The following BCL11B variants were observed in gnomAD, a reference collection of about 807,000 sequenced individuals.
BCL11B encodes the protein B-cell lymphoma/leukemia 11B.
In BCL11B, 8 loss-of-function variants were observed where a neutral mutation model predicts 49.9. The observed-to-expected ratio is 0.16, with a 90% CI of 0.09 to 0.29. The LOEUF (loss-of-function observed/expected upper bound fraction) is 0.29. Among genes scored for constraint, BCL11B ranks in the 10% least tolerant of loss-of-function variants. BCL11B has a pLI of 1.00. For missense variants in BCL11B, 1,006 were observed against 1,351.0 expected (o/e 0.74, Z 4.00); for synonymous variants, 739 against 637.4 (o/e 1.16, Z -2.40).
rs760748157 is a variant in BCL11B at position 99,238,239 on chromosome 14, C to T, written c.428-6682G>A. On this transcript the variant is annotated intron_variant, in intron 2 of 3. Transcript: ENST00000357195. Reference sequence around the variant, plus strand: ...TGGAGAGGCAGAGCCAAGGAATGATCGCGTCCCCCACCGACACTACCAAAA... The same window carrying T: ...TGGAGAGGCAGAGCCAAGGAATGATTGCGTCCCCCACCGACACTACCAAAA... 3.9e-5 allele frequency among the ~76,000 whole-genome samples: 6 copies of T among 152,194 alleles called. No homozygotes were observed. The South Asian group carries it at 1.2e-3, about 32-fold the overall frequency.
At chr14:99,199,685 C>CGTGTGTGT (rs1555378688) in intron 3 of BCL11B, among the ~76,000 whole-genome samples, 1 of 58,850 alleles carries the variant, frequency 1.7e-5, no homozygotes, top group Non-Finnish European at 6.3e-5. Flanking sequence ...TGTGTGTGTG[C>CGTGTGTGT]GCGCGCGCGC....
intron 2 of BCL11B, among the ~76,000 whole-genome samples, chr14:99,233,829 T>C (rs1888407534): frequency 6.6e-6 from 1 of 152,114 alleles, no homozygotes; most frequent in Non-Finnish European, 1.5e-5. Context: ...TCATTAGCAA[T>C]TGTGACCTTG....
intron 3 of BCL11B, among the ~76,000 whole-genome samples, chr14:99,186,253 G>A (rs940002814): frequency 2.0e-5 from 3 of 152,236 alleles, no homozygotes; most frequent in African/African-American, 7.2e-5. Context: ...ATGCACAGTG[G>A]CTCACGCCTG....
chr14:99,258,577 T>C (rs1889243937), intron 1 of BCL11B, among the ~76,000 whole-genome samples: 1 of 151,858 alleles, frequency 6.6e-6, no homozygotes, highest in Non-Finnish European at 1.5e-5. Flanking sequence ...AACAAGTGAG[T>C]GTCAGGTTCC....
chr14:99,236,054 C>G (rs1888488743), intron 2 of BCL11B, among the ~76,000 whole-genome samples: 1 of 152,052 alleles, frequency 6.6e-6, no homozygotes, highest in South Asian at 2.1e-4. Context: ...TGAGACTGTG[C>G]TCCTGCCTTT....
rs939364613 is a variant in BCL11B, at chr14:99,173,812, AAAAC to A, written c.*335_*338del. ...CTCAGGCTACTACCGGGTTAAAAAA[AAAAC>A]AAAGAAGGGATGGATACCCAACAAA... On this transcript the variant is annotated 3_prime_UTR_variant, in exon 4 of 4. Transcript: ENST00000357195. The A allele has an allele frequency of 2.7e-5, 9 of 336,998 alleles. No homozygotes were observed. The highest frequency in any genetic ancestry group is 4.4e-5 in the Non-Finnish European group (8 of 182,742). 20.9% of individuals were successfully genotyped at this position (336,998 alleles called of 1,614,324 possible). A position where few individuals can be genotyped will look rare whatever the true frequency, so the allele number is the denominator to read the frequency against.
intron 2 of BCL11B, among the ~76,000 whole-genome samples, chr14:99,253,641 C>G (rs757435968): frequency 5.3e-5 from 8 of 152,140 alleles, no homozygotes; most frequent in African/African-American, 1.9e-4. Flanking sequence ...CACACAGCAA[C>G]AGACAGCCTT....
rs1886338079 is a variant in BCL11B at position 99,172,940 on chromosome 14, A to G, written c.*1211T>C. 4.6e-6 allele frequency: 1 copy of G among 219,582 alleles called. No homozygotes were observed. Among genetic ancestry groups the G allele is most frequent in the Non-Finnish European group, 9.2e-6 (1 of 108,762 alleles). 13.6% of individuals were successfully genotyped at this position (219,582 alleles called of 1,614,324 possible). A position where few individuals can be genotyped will look rare whatever the true frequency, so the allele number is the denominator to read the frequency against. On this transcript the variant is annotated 3_prime_UTR_variant, in exon 4 of 4. Coordinates refer to ENST00000357195, the MANE Select transcript of BCL11B (RefSeq NM_138576.4). ...GTAAAAGAGAATAGAAATTTGCAAG[A>G]TCCCCACCCCACCCATCCCTACAAT... is the stretch of plus-strand genomic sequence containing the variant.
At chr14:99,208,866 C>A (rs975843381) in intron 3 of BCL11B, among the ~76,000 whole-genome samples, 1 of 152,232 alleles carries the variant, frequency 6.6e-6, no homozygotes, top group South Asian at 2.1e-4. Context: ...TCATGAAGCT[C>A]GTCCCTGCCC....
rs949572139 is a variant in BCL11B at position 99,257,931 on chromosome 14, G to T, written c.59-92C>A. The T allele has an allele frequency of 2.9e-6, 4 of 1,377,602 alleles. No homozygotes were observed. The highest frequency in any genetic ancestry group is 2.5e-5 in the East Asian group (1 of 40,480). 85.3% of individuals were successfully genotyped at this position (1,377,602 alleles called of 1,614,324 possible). The stretch of plus-strand genomic sequence containing the variant: ...CCAACTTCCGGTCCACCCCTTCCCC[G>T]CCAAGAAGCAGCCCCCTCTGCTGCT... On this transcript the variant is annotated intron_variant, in intron 1 of 3. Coordinates refer to ENST00000357195, the MANE Select transcript of BCL11B (RefSeq NM_138576.4). The surrounding 1 kb of genome is among the most constrained non-coding windows in gnomAD (Gnocchi z 6.2).
Position 99,192,891 on chromosome 14 carries a change from GAAT to G in BCL11B, c.641-16699_641-16697del, listed in dbSNP as rs1292342416. On this transcript the variant is annotated intron_variant, in intron 3 of 3. Coordinates refer to ENST00000357195, the MANE Select transcript of BCL11B (RefSeq NM_138576.4). The surrounding 1 kb of genome is among the most constrained non-coding windows in gnomAD (Gnocchi z 4.0). ...TGAGTGAATGAATGAATGAATGAAT[GAAT>G]GAGTGAATGAATGGATAAAAGAGTG... Among the ~76,000 whole-genome samples, 3 of 152,068 alleles carry G rather than the reference GAAT, an allele frequency of 2.0e-5. No homozygotes were observed. Among genetic ancestry groups the G allele is most frequent in the Non-Finnish European group, 4.4e-5 (3 of 68,026 alleles).
At chr14:99,265,768 A>G (rs976250032) in intron 1 of BCL11B, among the ~76,000 whole-genome samples, 17 of 152,164 alleles carry the variant, frequency 1.1e-4, no homozygotes, top group African/African-American at 3.9e-4. Context: ...CTGGAGAGTG[A>G]AGGCTCTTTC....
At chr14:99,254,283 T>A (rs996198417) in intron 2 of BCL11B, among the ~76,000 whole-genome samples, 3 of 152,154 alleles carry the variant, frequency 2.0e-5, no homozygotes, top group Non-Finnish European at 4.4e-5. Flanking sequence ...AAAATAACAG[T>A]AATTACTCTC....
At position 99,171,025 on chromosome 14, in the gene BCL11B, C is replaced by T. The variant is rs1886272947; in HGVS notation, c.*3126G>A. On this transcript the variant is annotated 3_prime_UTR_variant, in exon 4 of 4. Transcript: ENST00000357195. ...CTCGCTCTCTCTCCTCTACATCTGA[C>T]ATCTTAGAGATGGCCTCTTAGAGAA... 4.3e-6 allele frequency: 1 copy of T among 231,848 alleles called. No individual in the cohort carries two copies. Among genetic ancestry groups the T allele is most frequent in the South Asian group, 1.8e-4 (1 of 5,520 alleles). The allele number at this position is 231,848 out of a possible 1,614,324, so 14.4% of individuals were successfully genotyped here. A position where few individuals can be genotyped will look rare whatever the true frequency, so the allele number is the denominator to read the frequency against.
At chr14:99,258,521 A>G (rs1889241786) in intron 1 of BCL11B, among the ~76,000 whole-genome samples, 1 of 152,222 alleles carries the variant, frequency 6.6e-6, no homozygotes, top group Non-Finnish European at 1.5e-5. Context: ...ATGGGCGTCT[A>G]AGGGCCCGTC....
rs766576104 is a variant in BCL11B at position 99,257,506 on chromosome 14, G to A, written c.392C>T (p.Thr131Met). ...CTCCTGCTTGGGACAGATGCCTTTCGTGGGTGAGAGCAGGTGGTCATCTTC... is the reference window on the plus strand; with the variant it reads ...CTCCTGCTTGGGACAGATGCCTTTCATGGGTGAGAGCAGGTGGTCATCTTC... ...PDEDDHLLSPTKGICPKQENI... is the reference protein window; with the variant it reads ...PDEDDHLLSPMKGICPKQENI... The change falls in exon 2 of 4, where the codon ACG becomes ATG. Residue 131 changes from threonine (T) to methionine (M), a missense_variant. Physicochemically the swap from Thr to Met is moderately conservative, Grantham distance 81 (BLOSUM62 -1). Transcript: ENST00000357195. This position sits in a 1 kb window ranked among gnomAD's most constrained non-coding sequence, Gnocchi z 6.2. 4.7e-5 allele frequency: 75 copies of A among 1,610,568 alleles called. No individual in the cohort carries two copies. The highest frequency in any genetic ancestry group is 8.3e-5 in the Admixed American group (5 of 59,888).
rs374785398 is a variant in BCL11B, at chr14:99,187,213, T to C, written c.641-11018A>G. Among the ~76,000 whole-genome samples, 100 of 152,270 alleles carry C rather than the reference T, an allele frequency of 6.6e-4. No individual in the cohort carries two copies. The South Asian group carries it at 0.02, about 30-fold the overall frequency. On this transcript the variant is annotated intron_variant, in intron 3 of 3. Transcript: ENST00000357195. ...AACATTGCCAGCCGCAGGGGTATCATGGCACAGGGTGAAAACAGTGGTGTT... is the reference window on the plus strand; with the variant it reads ...AACATTGCCAGCCGCAGGGGTATCACGGCACAGGGTGAAAACAGTGGTGTT...
At chr14:99,187,494 C>G (rs576989060) in intron 3 of BCL11B, among the ~76,000 whole-genome samples, 2 of 152,186 alleles carry the variant, frequency 1.3e-5, no homozygotes, top group East Asian at 3.9e-4. Context: ...GATAGCTGAG[C>G]TCACTTTGAT....
intron 3 of BCL11B, among the ~76,000 whole-genome samples, chr14:99,216,068 A>C (rs1460483391): frequency 3.3e-5 from 5 of 152,252 alleles, no homozygotes. Context: ...ATAAAAAGAT[A>C]GCAGTAATGC....
Sources: allele counts gnomAD v4.1 joint callset (sites outside exome capture counted in the v4.1 genomes callset), GRCh38; gene constraint gnomAD v4.1.1; non-coding constraint Gnocchi (gnomAD v3.1); transcripts MANE v1.5; gene names NCBI Gene and HGNC (gene_info 2026-07-23, HGNC 2026-07-21).